The following TNIK variants were observed in gnomAD, a reference collection of about 807,000 sequenced individuals.
The protein encoded by TNIK is TRAF2 and NCK interacting kinase, also known as TRAF2 and NCK-interacting protein kinase.
Under a neutral mutation model 191.3 loss-of-function variants are expected in TNIK, and 49 were observed. That is an observed-to-expected ratio of 0.26 (90% CI 0.20 to 0.32). TNIK has a LOEUF of 0.32. Ranked by LOEUF, TNIK falls within the 10% of genes least tolerant of loss-of-function variation. The pLI, the probability that TNIK is intolerant of heterozygous loss-of-function variation, is 1.00. For missense variants in TNIK, 1,155 were observed against 1,702.3 expected, an observed-to-expected ratio of 0.68 and a Z score of 5.66; for synonymous variants, 594 against 600.9, an observed-to-expected ratio of 0.99 and a Z score of 0.17.
chr3:171,069,207 C>T (rs577461946), intron 29 of TNIK, among the ~76,000 whole-genome samples: 2 of 152,136 alleles, frequency 1.3e-5, no homozygotes, highest in South Asian at 2.1e-4. Context: ...CTTTGTCCTT[C>T]GGGGCAGTGA....
chr3:171,225,617 T>G (rs898767185), intron 3 of TNIK: 4 of 456,392 alleles, frequency 8.8e-6, no homozygotes, highest in African/African-American at 8.0e-5. Context: ...AAACCCAGTT[T>G]AGAAAGACTA....
At position 171,129,786 on chromosome 3, in the gene TNIK, T is replaced by C. The variant is rs115397363; in HGVS notation, c.1609-908A>G. On this transcript the variant is annotated intron_variant, in intron 15 of 32. Transcript: ENST00000436636. Reference sequence around the variant, plus strand: ...ACAGGTCATCATTACCTTTAGTACATATTTACAGCAGAAAGACTGCCTCGG... The same window carrying C: ...ACAGGTCATCATTACCTTTAGTACACATTTACAGCAGAAAGACTGCCTCGG... Among the ~76,000 whole-genome samples the C allele has an allele frequency of 2.9e-3, 445 of 152,308 alleles. 1 individual carries two copies. Among genetic ancestry groups the C allele is most frequent in the Non-Finnish European group, 5.3e-3 (359 of 68,022 alleles).
intron 29 of TNIK, among the ~76,000 whole-genome samples, chr3:171,069,720 C>G (rs1415946825): frequency 6.6e-6 from 1 of 152,212 alleles, no homozygotes; most frequent in Non-Finnish European, 1.5e-5. Context: ...GTTCCTCTGC[C>G]ATTTTCCTTT....
chr3:171,334,363 C>G (rs934453359), intron 2 of TNIK, among the ~76,000 whole-genome samples: 2 of 152,032 alleles, frequency 1.3e-5, no homozygotes, highest in Non-Finnish European at 2.9e-5. Context: ...GTGAGTGGAA[C>G]AGAATGTTGG....
intron 21 of TNIK, among the ~76,000 whole-genome samples, chr3:171,103,811 T>C (rs548250797): frequency 1.6e-4 from 25 of 152,236 alleles, no homozygotes; most frequent in African/African-American, 5.1e-4. Context: ...CCCCAGAGGT[T>C]TATTTTCCTT....
intron 32 of TNIK, among the ~76,000 whole-genome samples, chr3:171,065,362 C>G (rs923935552): frequency 6.6e-6 from 1 of 152,178 alleles, no homozygotes; most frequent in Non-Finnish European, 1.5e-5. Context: ...TGGACTAAGA[C>G]CAACCTGACC....
chr3:171,332,342 A>G (rs1160170836), intron 2 of TNIK, among the ~76,000 whole-genome samples: 1 of 152,264 alleles, frequency 6.6e-6, no homozygotes, highest in Admixed American at 6.5e-5. Context: ...TACAAACAAT[A>G]TAATTGTGCA....
chr3:171,192,759 C>T (rs1316500822), intron 5 of TNIK, among the ~76,000 whole-genome samples: 1 of 152,102 alleles, frequency 6.6e-6, no homozygotes, highest in East Asian at 1.9e-4. Flanking sequence ...AATTTTAAGT[C>T]AGAAATTCAA....
chr3:171,080,271 T>C (rs1426149708), intron 27 of TNIK, among the ~76,000 whole-genome samples: 1 of 152,072 alleles, frequency 6.6e-6, no homozygotes, highest in African/African-American at 2.4e-5. Context: ...TATTGAAGAG[T>C]ACACAAGTAG....
At chr3:171,182,338 T>A (rs1468108911) in intron 7 of TNIK, among the ~76,000 whole-genome samples, 1 of 152,036 alleles carries the variant, frequency 6.6e-6, no homozygotes, top group Non-Finnish European at 1.5e-5. Flanking sequence ...TTGGATACAT[T>A]AGCGAGTCCC....
chr3:171,375,055 G>C (rs1220465714), intron 1 of TNIK, among the ~76,000 whole-genome samples: 6 of 152,096 alleles, frequency 3.9e-5, no homozygotes, highest in Admixed American at 3.9e-4. Flanking sequence ...CCAGCCCTTG[G>C]TTTACCACCT....
At chr3:171,125,317 C>G (rs2108568209) in intron 17 of TNIK, among the ~76,000 whole-genome samples, 1 of 152,278 alleles carries the variant, frequency 6.6e-6, no homozygotes, top group Admixed American at 6.5e-5. Context: ...AACAAAAGAA[C>G]CCAAACTCAG....
chr3:171,271,941 G>A (rs1749156289), intron 2 of TNIK, among the ~76,000 whole-genome samples: 1 of 152,178 alleles, frequency 6.6e-6, no homozygotes, highest in Non-Finnish European at 1.5e-5. Flanking sequence ...ATTAAAGTCT[G>A]CTTTATGTGC....
intron 2 of TNIK, among the ~76,000 whole-genome samples, chr3:171,249,784 C>T (rs1401866225): frequency 1.3e-5 from 2 of 152,204 alleles, no homozygotes; most frequent in East Asian, 1.9e-4. Flanking sequence ...AGGCAAGTAG[C>T]GTCTTTCCCT....
intron 4 of TNIK, among the ~76,000 whole-genome samples, chr3:171,199,413 G>A (rs1560251542): frequency 6.6e-6 from 1 of 152,068 alleles, no homozygotes; most frequent in Non-Finnish European, 1.5e-5. Context: ...GAAATAATGG[G>A]TCATTAAAAT....
intron 2 of TNIK, among the ~76,000 whole-genome samples, chr3:171,355,550 C>G (rs1559966749): frequency 6.6e-6 from 1 of 152,110 alleles, no homozygotes; most frequent in Admixed American, 6.5e-5. Context: ...TTGCCTCCAC[C>G]CAAAGAAGAG....
intron 2 of TNIK, among the ~76,000 whole-genome samples, chr3:171,259,328 G>T (rs948568377): frequency 2.6e-5 from 4 of 152,110 alleles, no homozygotes; most frequent in African/African-American, 9.7e-5. Context: ...ACGCACCCAC[G>T]GCTGATGGGA....
intron 3 of TNIK, among the ~76,000 whole-genome samples, chr3:171,218,417 C>CT (rs1741720355): frequency 1.3e-5 from 2 of 152,058 alleles, no homozygotes; most frequent in Admixed American, 1.3e-4. Flanking sequence ...AGTTTTAAAC[C>CT]TAGCAATAAT....
chr3:171,320,886 C>T (rs964790040), intron 2 of TNIK, among the ~76,000 whole-genome samples: 7 of 152,124 alleles, frequency 4.6e-5, no homozygotes, highest in Admixed American at 6.6e-5. Flanking sequence ...TGCTGGCTTG[C>T]CTAAACACAG....
Sources: allele counts gnomAD v4.1 joint callset (sites outside exome capture counted in the v4.1 genomes callset), GRCh38; gene constraint gnomAD v4.1.1; transcripts MANE v1.5; gene names NCBI Gene and HGNC (gene_info 2026-07-23, HGNC 2026-07-21).